DNAJB1: variants seen among roughly 807,000 people sequenced by gnomAD.
The protein encoded by DNAJB1 is DnaJ heat shock protein family (Hsp40) member B1.
A neutral mutation model predicts 24.0 loss-of-function variants in DNAJB1; 14 were observed. That is an observed-to-expected ratio of 0.58 (90% CI 0.39 to 0.91). The LOEUF is 0.91. Among genes scored for constraint, DNAJB1 ranks in the 40% least tolerant of loss-of-function variants. The pLI is 0.00. For missense variants in DNAJB1, 517 were observed against 458.1 expected (o/e 1.13, Z -1.17); for synonymous variants, 262 against 174.4 (o/e 1.50, Z -3.96).
intron 1 of DNAJB1, among the ~76,000 whole-genome samples, chr19:14,556,413 A>AAAAAAC (rs71166757): frequency 0.033 from 2,890 of 86,610 alleles, 92 homozygotes; most frequent in African/African-American, 0.082. Context: ...TCTCTCAAAA[A>AAAAAAC]AAAAACAAAA....
At chr19:14,535,588 ATGTATG>A (rs2072868765) in intron 1 of DNAJB1, among the ~76,000 whole-genome samples, 21 of 40,738 alleles carry the variant, frequency 5.2e-4, no homozygotes, top group African/African-American at 9.4e-4. Flanking sequence ...ATATATATAT[ATGTATG>A]TATATATAAA....
At chr19:14,535,556 A>ATG (rs2072855476) in intron 1 of DNAJB1, among the ~76,000 whole-genome samples, 3 of 13,294 alleles carry the variant, frequency 2.3e-4, no homozygotes, top group African/African-American at 7.2e-4. Flanking sequence ...ATATATATAT[A>ATG]TATATATATA....
chr19:14,552,504 C>T (rs373327479), upstream of DNAJB1, among the ~76,000 whole-genome samples: 1 of 151,548 alleles, frequency 6.6e-6, no homozygotes, highest in Non-Finnish European at 1.5e-5. Flanking sequence ...TTCCAAGCCA[C>T]GTAACAGGCA....
At chr19:14,537,391 A>G (rs1219655565) in intron 1 of DNAJB1, among the ~76,000 whole-genome samples, 1 of 151,922 alleles carries the variant, frequency 6.6e-6, no homozygotes, top group African/African-American at 2.4e-5. Context: ...ACCCAGGTGG[A>G]TTTAGAGGCT....
At chr19:14,528,605 G>A (rs1280963226) in intron 1 of DNAJB1, among the ~76,000 whole-genome samples, 1 of 152,186 alleles carries the variant, frequency 6.6e-6, no homozygotes, top group Admixed American at 6.6e-5. Context: ...TGGACGTCAG[G>A]CAGAGACCAA....
In DNAJB1 at chr19:14,516,027, C is replaced by A; in HGVS notation, c.936G>T (p.Gly312=). The stretch of plus-strand genomic sequence containing the variant: ...TCACTTCAAACTCAATAATGAGGTC[C>A]CCACGTTTCTCGGGTGTTTTGGGGA... ...LPLPKTPEKR[G]DLIIEFEVIF... The change falls in exon 3 of 3, where the codon GGG becomes GGT. Residue 312 remains glycine (G), a synonymous_variant. Coordinates refer to ENST00000254322, the MANE Select transcript of DNAJB1 (RefSeq NM_006145.3). 6.2e-7 allele frequency: 1 copy of A among 1,612,940 alleles called. No individual in the cohort carries two copies. Among genetic ancestry groups the A allele is most frequent in the Non-Finnish European group, 8.5e-7 (1 of 1,179,606 alleles).
At position 14,515,591 on chromosome 19, in the gene DNAJB1, A is replaced by C. The variant is rs372474201; in HGVS notation, c.*349T>G. 8.0e-5 allele frequency: 22 copies of C among 273,856 alleles called. No homozygotes were observed. The highest frequency in any genetic ancestry group is 5.0e-4 in the African/African-American group (22 of 43,710). The allele number at this position is 273,856 out of a possible 1,614,324, so 17.0% of individuals were successfully genotyped here. A position where few individuals can be genotyped will look rare whatever the true frequency, so the allele number is the denominator to read the frequency against. Reference sequence around the variant, plus strand: ...CAGGTTGACATTATCTACCAGCCAGAAGCAAAAAGACACAGAGGGATCAAG... The same window carrying C: ...CAGGTTGACATTATCTACCAGCCAGCAGCAAAAAGACACAGAGGGATCAAG... On this transcript the variant is annotated 3_prime_UTR_variant, in exon 3 of 3. Transcript: ENST00000254322.
Position 14,543,590 on chromosome 19 carries a change from T to C in DNAJB1, c.-214+6618A>G, listed in dbSNP as rs563959230. 6.2e-3 allele frequency among the ~76,000 whole-genome samples: 906 copies of C among 146,028 alleles called. 7 individuals carry two copies. The highest frequency in any genetic ancestry group is 0.011 in the Admixed American group (164 of 14,586). Reference sequence around the variant, plus strand: ...AGTAGCTGGGACTACAGGCGCCCGCTACCACGCCCGGCTAATTTTTTGTAT... The same window carrying C: ...AGTAGCTGGGACTACAGGCGCCCGCCACCACGCCCGGCTAATTTTTTGTAT... On this transcript the variant is annotated intron_variant, in intron 1 of 3. Transcript: ENST00000676982.
At chr19:14,532,908 G>T (rs183313671), upstream of DNAJB1, among the ~76,000 whole-genome samples, 1 of 151,888 alleles carries the variant, frequency 6.6e-6, no homozygotes, top group Non-Finnish European at 1.5e-5. Flanking sequence ...TCAGGAGTTC[G>T]AGACCAGCCT....
At chr19:14,543,419 ATTTTTTTTTTTTTTT>A (rs1169742953) in intron 1 of DNAJB1, among the ~76,000 whole-genome samples, 1,091 of 20,504 alleles carry the variant, frequency 0.053, 18 homozygotes, top group East Asian at 0.13. Flanking sequence ...ATATATATAT[ATTTTTTTTTTTTTTT>A]TTTTTTTTTT....
upstream of DNAJB1, chr19:14,530,124 ATT>A (rs2072572150): frequency 6.7e-6 from 2 of 299,016 alleles, no homozygotes; most frequent in Admixed American, 4.6e-5. Flanking sequence ...TGCTATCAGT[ATT>A]CTTGTGTACG....
At chr19:14,552,294 A>G (rs2073555517), upstream of DNAJB1, among the ~76,000 whole-genome samples, 2 of 146,594 alleles carry the variant, frequency 1.4e-5, no homozygotes, top group South Asian at 4.4e-4. Flanking sequence ...CTGGCCTCCC[A>G]AACTGCTGGG....
chr19:14,544,322 G>T (rs1399841464), intron 1 of DNAJB1, among the ~76,000 whole-genome samples: 5 of 152,210 alleles, frequency 3.3e-5, no homozygotes, highest in Admixed American at 6.5e-5. Context: ...GTAACCCCTG[G>T]CCCTGGGGAG....
At chr19:14,529,753 C>T (rs751668259), upstream of DNAJB1, 4 of 1,613,824 alleles carry the variant, frequency 2.5e-6, no homozygotes, top group African/African-American at 2.7e-5. Context: ...ACTGCTGACC[C>T]ATTCTTTTTC....
chr19:14,543,344 A>G (rs934811289), intron 1 of DNAJB1, among the ~76,000 whole-genome samples: 1 of 140,212 alleles, frequency 7.1e-6, no homozygotes, highest in Non-Finnish European at 1.5e-5. Flanking sequence ...GGAGACATGT[A>G]TAGTTGGAAA....
At chr19:14,540,169 C>T (rs1253969445) in intron 1 of DNAJB1, among the ~76,000 whole-genome samples, 4 of 151,928 alleles carry the variant, frequency 2.6e-5, no homozygotes, top group East Asian at 1.9e-4. Flanking sequence ...ACGCCATTCT[C>T]CTGCCTCAGC....
exon 1 of DNAJB1, among the ~76,000 whole-genome samples, chr19:14,560,177 G>A (rs2073861966): frequency 6.6e-6 from 1 of 152,240 alleles, no homozygotes; most frequent in Non-Finnish European, 1.5e-5. Flanking sequence ...GACCCCGATG[G>A]CCGTACTCTC....
At chr19:14,555,014 T>C (rs909344998), upstream of DNAJB1, among the ~76,000 whole-genome samples, 4 of 151,794 alleles carry the variant, frequency 2.6e-5, no homozygotes, top group Admixed American at 6.6e-5. Context: ...CTTGACCTTG[T>C]GATCTGCCCA....
In DNAJB1 at chr19:14,518,368, G is replaced by C; in HGVS notation, c.-19C>G. On this transcript the variant is annotated 5_prime_UTR_variant, in exon 1 of 3. Transcript: ENST00000254322. ...TACCCATGACCCCCTCCTGCGGCCC[G>C]CCGACCCGCTGTCGCCGTCCCCCGG... is the stretch of plus-strand genomic sequence containing the variant. The C allele has an allele frequency of 2.0e-6, 3 of 1,532,946 alleles. No homozygotes were observed. The highest frequency in any genetic ancestry group is 1.7e-6 in the Non-Finnish European group (2 of 1,149,730). The allele number at this position is 1,532,946 out of a possible 1,614,324, so 95.0% of individuals were successfully genotyped here.
Sources: allele counts gnomAD v4.1 joint callset (sites outside exome capture counted in the v4.1 genomes callset), GRCh38; gene constraint gnomAD v4.1.1; transcripts MANE v1.5; gene names NCBI Gene and HGNC (gene_info 2026-07-23, HGNC 2026-07-21).